Variants in ADH5 observed in about 807,000 individuals in gnomAD.
ADH5 encodes alcohol dehydrogenase 5 (class III), chi polypeptide, also known as alcohol dehydrogenase class-3.
A neutral mutation model predicts 40.3 loss-of-function variants in ADH5; 32 were observed. The ratio of observed to expected loss-of-function variants is 0.79; its 90% CI spans 0.60 to 1.07. ADH5 has a LOEUF of 1.07. Among genes scored for constraint, ADH5 ranks in the 50% least tolerant of loss-of-function variants. ADH5 has a pLI of 0.00. For synonymous variants in ADH5, 125 were observed against 154.3 expected, an observed-to-expected ratio of 0.81 and a Z score of 1.41; for missense variants, 353 against 460.5, an observed-to-expected ratio of 0.77 and a Z score of 2.14.
At chr4:99,075,842 T>C (rs1727914221) in intron 6 of ADH5, 1 of 156,102 alleles carries the variant, frequency 6.4e-6, no homozygotes, top group South Asian at 1.9e-4. Context: ...AGCATTTTCT[T>C]TGAGCATCAT....
chr4:99,079,066 T>G (rs1296454942), intron 4 of ADH5, among the ~76,000 whole-genome samples: 1 of 152,240 alleles, frequency 6.6e-6, no homozygotes, highest in African/African-American at 2.4e-5. Context: ...TCCCATACAA[T>G]GCTGGTGCAA....
intron 7 of ADH5, among the ~76,000 whole-genome samples, chr4:99,074,660 T>G (rs947191219): frequency 6.6e-6 from 1 of 150,488 alleles, no homozygotes; most frequent in Admixed American, 6.6e-5. Flanking sequence ...AATATTGATA[T>G]TTTTCTTTTA....
chr4:99,080,239 T>C (rs1324252151), intron 4 of ADH5, among the ~76,000 whole-genome samples: 1 of 152,200 alleles, frequency 6.6e-6, no homozygotes, highest in African/African-American at 2.4e-5. Context: ...AGATAGCAGA[T>C]AACCTCAACT....
At chr4:99,080,893 T>C (rs565460680) in intron 4 of ADH5, among the ~76,000 whole-genome samples, 3 of 152,250 alleles carry the variant, frequency 2.0e-5, no homozygotes, top group East Asian at 3.9e-4. Context: ...AAAAACTCAG[T>C]TGTATGTAAG....
chr4:99,078,156 C>T (rs1375209274), intron 4 of ADH5, among the ~76,000 whole-genome samples: 1 of 152,126 alleles, frequency 6.6e-6, no homozygotes, highest in Non-Finnish European at 1.5e-5. Flanking sequence ...ATTGCCTGAG[C>T]TCAAGTGATC....
At chr4:99,088,062 G>A (rs1728182166) in intron 1 of ADH5, among the ~76,000 whole-genome samples, 1 of 152,208 alleles carries the variant, frequency 6.6e-6, no homozygotes, top group Non-Finnish European at 1.5e-5. Context: ...GTGTGACCAA[G>A]CACAACCAAC....
At chr4:99,082,407 C>T (rs1398550984) in intron 2 of ADH5, among the ~76,000 whole-genome samples, 2 of 152,126 alleles carry the variant, frequency 1.3e-5, no homozygotes, top group Non-Finnish European at 2.9e-5. Context: ...AGAAGGTAAA[C>T]AAGGTCATTT....
chr4:99,072,538 T>G (rs1202627417), intron 8 of ADH5, 35 bp downstream of exon 8: 19 of 1,608,930 alleles, frequency 1.2e-5, no homozygotes, highest in Non-Finnish European at 1.5e-5. Context: ...TCAACATCAT[T>G]ATTACATTCT....
chr4:99,076,547 C>G lies in ADH5; in HGVS notation c.570G>C (p.Glu190Asp). 1 of 1,613,216 alleles carries G rather than the reference C, an allele frequency of 6.2e-7. No individual in the cohort carries two copies. The highest frequency in any genetic ancestry group is 8.5e-7 in the Non-Finnish European group (1 of 1,179,562). ...YGAAVNTAKL[E>D]PGSVCAVFGL... ...CAAAGACGGCACAAACAGAGCCAGG[C>G]TCCAACTAGGAGTAAAGAAAGTTTA... Residue 190 changes from glutamate (E) to aspartate (D), a missense_variant, in exon 6 of 9, where the codon GAG (glutamate) becomes GAC (aspartate). Coordinates refer to ENST00000296412, the MANE Select transcript of ADH5 (RefSeq NM_000671.4).
rs774395194 is a variant in ADH5 at position 99,076,390 on chromosome 4, G to GGTTA, written c.723_726dup (p.Pro243Ter). ...TGGATGGGTTTACTAAAATCCTGAG[G>GGTTA]GTTAATACATTCAGTGGCTCCAAAC... is the stretch of plus-strand genomic sequence containing the variant. On this transcript the variant is annotated stop_gained and frameshift_variant, in exon 6 of 9. Transcript: ENST00000296412. LOFTEE classifies it high-confidence loss of function. 6.2e-7 allele frequency: 1 copy of GGTTA among 1,613,978 alleles called. No homozygotes were observed. Among genetic ancestry groups the GGTTA allele is most frequent in the Non-Finnish European group, 8.5e-7 (1 of 1,180,028 alleles).
intron 1 of ADH5, chr4:99,085,641 G>A (rs1423618915): frequency 6.1e-6 from 2 of 325,508 alleles, no homozygotes; most frequent in African/African-American, 4.4e-5. Context: ...AAACTGCAGG[G>A]TGGGAAGGAG....
chr4:99,084,968 G>A (rs1342510290), intron 2 of ADH5, 147 bp downstream of exon 2: 8 of 412,844 alleles, frequency 1.9e-5, no homozygotes, highest in Non-Finnish European at 3.4e-5. Context: ...AGAGAAGGAT[G>A]TTGTGATTGT....
intron 7 of ADH5, among the ~76,000 whole-genome samples, chr4:99,073,233 C>T (rs1452798236): frequency 6.6e-6 from 1 of 152,222 alleles, no homozygotes; most frequent in African/African-American, 2.4e-5. Flanking sequence ...GGCTGGAGTA[C>T]AGTTGCGTGA....
intron 6 of ADH5, 162 bp from the exon 7 acceptor site, chr4:99,075,211 TA>T: frequency 1.9e-6 from 1 of 521,442 alleles, no homozygotes; most frequent in Non-Finnish European, 2.9e-6. Context: ...ATTTATATTT[TA>T]ATTTTTTTTG....
In ADH5 at chr4:99,085,178, T is replaced by G. The variant is rs1248730848; in HGVS notation, c.51A>C (p.Gly17=). The G allele has an allele frequency of 6.5e-7, 1 of 1,549,614 alleles. No individual in the cohort carries two copies. The highest frequency in any genetic ancestry group is 1.2e-5 in the South Asian group (1 of 80,184). The change falls in exon 2 of 9, where the codon GGA becomes GGC. Residue 17 remains glycine (G), a synonymous_variant. Coordinates refer to ENST00000296412, the MANE Select transcript of ADH5 (RefSeq NM_000671.4). The part of the protein sequence containing the change: ...KCKAAVAWEA[G]KPLSIEEIEV... The stretch of plus-strand genomic sequence containing the variant: ...CTATCTCCTCTATGGAGAGAGGCTT[T>G]CCAGCCTCCCAAGCAACTGCAGCCT...
At chr4:99,079,434 GGAA>G (rs33972516) in intron 4 of ADH5, among the ~76,000 whole-genome samples, 152,226 of 152,228 alleles carry the variant, frequency 1, 76,112 homozygotes, top group Middle Eastern at 1. Flanking sequence ...CACAGTGAAA[GGAA>G]GAATCAGGAC....
chr4:99,072,857 T>G, intron 7 of ADH5, 146 bp from the exon 8 acceptor site: 1 of 723,150 alleles, frequency 1.4e-6, no homozygotes, highest in Non-Finnish European at 2.3e-6. Context: ...AGATGAAGAA[T>G]TTGACCAACA....
At chr4:99,088,418 C>G (rs1052140112) in intron 1 of ADH5, among the ~76,000 whole-genome samples, 1 of 152,150 alleles carries the variant, frequency 6.6e-6, no homozygotes, top group Non-Finnish European at 1.5e-5. Context: ...CTGACCAGCC[C>G]CTGCCCCCCA....
intron 1 of ADH5, among the ~76,000 whole-genome samples, chr4:99,086,075 T>C (rs996761111): frequency 6.7e-6 from 1 of 148,796 alleles, no homozygotes; most frequent in African/African-American, 2.6e-5. Context: ...AGATATGCTA[T>C]AAATATAGCT....
Sources: gnomAD v4.1 joint callset for allele counts (sites outside exome capture counted in the v4.1 genomes callset) on GRCh38, gnomAD v4.1.1 for gene constraint, MANE v1.5 for transcripts, NCBI Gene and HGNC (gene_info 2026-07-23, HGNC 2026-07-21) for gene names.